NPAS2: variants seen among roughly 807,000 people sequenced by gnomAD.
NPAS2 encodes neuronal PAS domain protein 2.
Under a neutral mutation model 107.5 loss-of-function variants are expected in NPAS2, and 23 were observed. That is an observed-to-expected ratio of 0.21 (90% CI 0.15 to 0.30). The LOEUF (loss-of-function observed/expected upper bound fraction) is 0.30, where lower values mean the gene tolerates loss of function less well. NPAS2 is among the 10% of genes least tolerant of loss of function. The probability of loss-of-function intolerance (pLI) is 1.00; values close to 1 mark genes in which losing one functional copy is unlikely to be tolerated. For synonymous variants in NPAS2, 403 were observed against 417.5 expected (o/e 0.97, Z 0.42); for missense variants, 756 against 1,043.3 (o/e 0.72, Z 3.79).
At chr2:100,977,360 A>G (rs1275631461) in intron 14 of NPAS2, among the ~76,000 whole-genome samples, 1 of 152,198 alleles carries the variant, frequency 6.6e-6, no homozygotes, top group East Asian at 1.9e-4. Context: ...ACCGCTAAGA[A>G]TTAATCCATT....
intron 2 of NPAS2, among the ~76,000 whole-genome samples, chr2:100,908,038 G>A (rs1156973822): frequency 2.6e-5 from 4 of 152,094 alleles, no homozygotes; most frequent in Admixed American, 1.3e-4. Context: ...GTGTGTGCAC[G>A]TGCATGCGCG....
intron 1 of NPAS2, among the ~76,000 whole-genome samples, chr2:100,903,246 G>A (rs990281789): frequency 3.3e-5 from 5 of 152,176 alleles, no homozygotes; most frequent in Non-Finnish European, 7.3e-5. Flanking sequence ...GCTTGGGGTA[G>A]GGCATCATTC....
intron 16 of NPAS2, chr2:100,985,593 CATTT>C (rs1314191668): frequency 2.6e-5 from 4 of 152,344 alleles, no homozygotes; most frequent in South Asian, 2.1e-4. Context: ...TCCATTCATT[CATTT>C]ATCAAACAGT....
intron 11 of NPAS2, among the ~76,000 whole-genome samples, chr2:100,969,405 C>G (rs1412197674): frequency 6.6e-6 from 1 of 152,124 alleles, no homozygotes; most frequent in Non-Finnish European, 1.5e-5. Flanking sequence ...TCCCTGTGTC[C>G]ATGTGTTCTC....
In NPAS2 at chr2:100,976,899, C is replaced by T. The variant is rs1573774999; in HGVS notation, c.1393-811C>T. 1 of 152,300 alleles carries T rather than the reference C, an allele frequency of 6.6e-6. No individual in the cohort carries two copies. The highest frequency in any genetic ancestry group is 2.1e-4 in the South Asian group (1 of 4,822). 9.4% of individuals were successfully genotyped at this position (152,300 alleles called of 1,614,324 possible). On this transcript the variant is annotated intron_variant, in intron 14 of 20. Coordinates refer to ENST00000335681, the MANE Select transcript of NPAS2 (RefSeq NM_002518.4). This position sits in a 1 kb window ranked among gnomAD's most constrained non-coding sequence, Gnocchi z 4.1. ...TCAGCCCTGTGCCTGGGATTTCTCA[C>T]TGAAACAAGGTCTCCTGGTGTCATT...
In NPAS2 at chr2:100,976,400, T is replaced by C. The variant is rs949691898; in HGVS notation, c.1392+833T>C. ...CACCTGGAGACGCAGGCAGGAACCA[T>C]GCAGACCTCTGTGACCTAGCCACGG... On this transcript the variant is annotated intron_variant, in intron 14 of 20. Coordinates refer to ENST00000335681, the MANE Select transcript of NPAS2 (RefSeq NM_002518.4). This position sits in a 1 kb window ranked among gnomAD's most constrained non-coding sequence, Gnocchi z 4.1. Among the ~76,000 whole-genome samples, 5 of 152,178 alleles carry C rather than the reference T, an allele frequency of 3.3e-5. No individual in the cohort carries two copies. The East Asian group carries it at 9.7e-4, about 30-fold the overall frequency.
At chr2:100,982,137 GA>G in intron 15 of NPAS2, 93 bp from the exon 16 acceptor site, 1 of 1,452,178 alleles carries the variant, frequency 6.9e-7, no homozygotes, top group South Asian at 1.3e-5. Flanking sequence ...CTAAGGGACG[GA>G]AATGAAGTGT....
At chr2:100,987,866 G>C in intron 16 of NPAS2, 2 of 617,742 alleles carry the variant, frequency 3.2e-6, no homozygotes, top group Non-Finnish European at 5.8e-6. Context: ...TGAAGGCAGA[G>C]AGAGTGTCTC....
At position 100,965,939 on chromosome 2, in the gene NPAS2, C is replaced by A. The variant is rs147371207; in HGVS notation, c.907+173C>A. Among the ~76,000 whole-genome samples the A allele has an allele frequency of 2.3e-3, 354 of 152,276 alleles. 17 individuals carry two copies. In the South Asian group the frequency reaches 0.07, roughly 30 times the overall value. On this transcript the variant is annotated intron_variant, in intron 10 of 20. Transcript: ENST00000335681. This position sits in a 1 kb window ranked among gnomAD's most constrained non-coding sequence, Gnocchi z 4.3. ...GGGCATGGTGGAGGCCCCTTATCCG[C>A]GTCTACCCCCATGTCACTGGAATTC...
At chr2:100,889,794 G>A (rs917697885) in intron 1 of NPAS2, among the ~76,000 whole-genome samples, 8 of 152,198 alleles carry the variant, frequency 5.3e-5, no homozygotes, top group Non-Finnish European at 7.3e-5. Flanking sequence ...GCAGCAACCT[G>A]TCAGTTTGGT....
chr2:100,821,255 T>G, intron 1 of NPAS2: 1 of 1,271,416 alleles, frequency 7.9e-7, no homozygotes. Flanking sequence ...CTAGTTTTGT[T>G]GATTAAGCAA....
At chr2:100,964,789 T>C (rs1676114109) in intron 8 of NPAS2, 72 bp from the exon 9 acceptor site, 1 of 888,926 alleles carries the variant, frequency 1.1e-6, no homozygotes. Context: ...CACCACGCGT[T>C]CCTCTTGAAC....
chr2:100,909,435 A>G (rs1005761844), intron 2 of NPAS2, among the ~76,000 whole-genome samples: 2 of 152,288 alleles, frequency 1.3e-5, no homozygotes, highest in South Asian at 4.1e-4. Context: ...CATTTGTACC[A>G]TTTCTTTGGA....
chr2:100,926,722 T>A (rs1047746992), intron 3 of NPAS2, among the ~76,000 whole-genome samples: 2 of 152,148 alleles, frequency 1.3e-5, no homozygotes, highest in African/African-American at 2.4e-5. Context: ...CGAAAATATC[T>A]TCCCCCATTC....
At chr2:100,949,599 T>C in intron 7 of NPAS2, 119 bp downstream of exon 7, 1 of 640,250 alleles carries the variant, frequency 1.6e-6, no homozygotes, top group East Asian at 2.8e-5. Flanking sequence ...ACATTTGCAT[T>C]TGAATTTTCG....
intron 1 of NPAS2, among the ~76,000 whole-genome samples, chr2:100,886,174 G>A (rs542813129): frequency 9.2e-5 from 14 of 152,302 alleles, no homozygotes; most frequent in South Asian, 6.2e-4. Context: ...CAGAAGGCTC[G>A]TTAGTGAGGG....
At chr2:100,860,337 A>G (rs1678860478) in intron 1 of NPAS2, among the ~76,000 whole-genome samples, 1 of 152,336 alleles carries the variant, frequency 6.6e-6, no homozygotes, top group Admixed American at 6.5e-5. Flanking sequence ...TCAGACGACC[A>G]TGCTGTTGAT....
At chr2:100,842,742 A>C (rs1306600768) in intron 1 of NPAS2, among the ~76,000 whole-genome samples, 1 of 152,198 alleles carries the variant, frequency 6.6e-6, no homozygotes, top group African/African-American at 2.4e-5. Context: ...CACAGCCCAC[A>C]GGTGCATTGT....
chr2:100,900,468 A>G (rs555421716), intron 1 of NPAS2, among the ~76,000 whole-genome samples: 2 of 152,342 alleles, frequency 1.3e-5, no homozygotes, highest in East Asian at 3.9e-4. Flanking sequence ...CTACTGGTGC[A>G]AATATGAAAT....
Sources: gnomAD v4.1 joint callset for allele counts (sites outside exome capture counted in the v4.1 genomes callset) on GRCh38, gnomAD v4.1.1 for gene constraint, Gnocchi (gnomAD v3.1) non-coding constraint, MANE v1.5 for transcripts, NCBI Gene and HGNC (gene_info 2026-07-23, HGNC 2026-07-21) for gene names.